The following AGO3 variants were observed in gnomAD, a reference collection of about 807,000 sequenced individuals.
AGO3 encodes the protein argonaute RISC catalytic component 3, also known as protein argonaute-3.
A neutral mutation model predicts 105.5 loss-of-function variants in AGO3; 16 were observed. The ratio of observed to expected loss-of-function variants is 0.15; its 90% confidence interval spans 0.10 to 0.23. AGO3 has a LOEUF of 0.23. Ranked by LOEUF, AGO3 falls within the 10% of genes least tolerant of loss-of-function variation. AGO3 has a pLI of 1.00. For synonymous variants in AGO3, 340 were observed against 367.3 expected (o/e 0.93, Z 0.85); for missense variants, 534 against 1,088.0 (o/e 0.49, Z 7.16).
At chr1:35,980,102 T>TAC (rs1432825586) in intron 5 of AGO3, among the ~76,000 whole-genome samples, 1 of 152,212 alleles carries the variant, frequency 6.6e-6, no homozygotes, top group Non-Finnish European at 1.5e-5. Flanking sequence ...TTTATACTTA[T>TAC]ACCTTCATAT....
chr1:35,983,341 G>A (rs1332560743), intron 5 of AGO3: 2 of 150,092 alleles, frequency 1.3e-5, no homozygotes, highest in Admixed American at 1.3e-4. Flanking sequence ...GGAGGCCAAA[G>A]TGGGAGGATC....
intron 17 of AGO3, among the ~76,000 whole-genome samples, chr1:36,045,160 T>C (rs1642410981): frequency 6.6e-6 from 1 of 152,180 alleles, no homozygotes; most frequent in Non-Finnish European, 1.5e-5. Context: ...GTCAGCAAGA[T>C]GGCTGACTAG....
intron 1 of AGO3, among the ~76,000 whole-genome samples, chr1:35,940,218 C>T (rs1379219240): frequency 1.3e-5 from 2 of 152,114 alleles, no homozygotes; most frequent in Non-Finnish European, 2.9e-5. Context: ...AGGCATGCGC[C>T]ATGACGCCCG....
chr1:35,932,548 A>C (rs1265703918), intron 1 of AGO3, among the ~76,000 whole-genome samples: 1 of 149,690 alleles, frequency 6.7e-6, no homozygotes, highest in African/African-American at 2.5e-5. Flanking sequence ...ATGGGGAGAG[A>C]GTTACAAATT....
chr1:36,034,604 A>T (rs149438018), intron 13 of AGO3, among the ~76,000 whole-genome samples: 3 of 152,358 alleles, frequency 2.0e-5, no homozygotes, highest in African/African-American at 7.2e-5. Flanking sequence ...TGAAAATGAA[A>T]GTACACTCCA....
intron 5 of AGO3, among the ~76,000 whole-genome samples, chr1:35,993,184 G>A (rs1341275068): frequency 6.6e-6 from 1 of 152,028 alleles, no homozygotes. Context: ...GACTCATTGG[G>A]GACCATCTCA....
At chr1:36,025,104 T>G (rs1222718973) in intron 11 of AGO3, among the ~76,000 whole-genome samples, 1 of 152,212 alleles carries the variant, frequency 6.6e-6, no homozygotes, top group Non-Finnish European at 1.5e-5. Flanking sequence ...AAATCTCTAC[T>G]TATATAAAGT....
At position 36,066,737 on chromosome 1, in the gene AGO3, CTCTT is replaced by C. The variant is rs1404394947; in HGVS notation, c.*10994_*10997del. On this transcript the variant is annotated 3_prime_UTR_variant, in exon 19 of 19. Transcript: ENST00000373191. ...GACTGCAAAAATGTTGCATACGTGA[CTCTT>C]TATTGTCAGAATCTGTAGAAACTGG... 1 of 152,120 alleles carries C rather than the reference CTCTT, an allele frequency of 6.6e-6. No homozygotes were observed. The highest frequency in any genetic ancestry group is 1.5e-5 in the Non-Finnish European group (1 of 68,038). 9.4% of individuals were successfully genotyped at this position (152,120 alleles called of 1,614,324 possible). A position where few individuals can be genotyped will look rare whatever the true frequency, so the allele number is the denominator to read the frequency against.
intron 1 of AGO3, among the ~76,000 whole-genome samples, chr1:35,938,703 G>A (rs1331530184): frequency 6.6e-6 from 1 of 152,142 alleles, no homozygotes; most frequent in East Asian, 1.9e-4. Context: ...TACTGGTCCA[G>A]TGCTTGCTTT....
Position 36,065,174 on chromosome 1 carries a change from A to T in AGO3, c.*9429A>T, listed in dbSNP as rs1451960494. On this transcript the variant is annotated 3_prime_UTR_variant, in exon 19 of 19. Coordinates refer to ENST00000373191, the MANE Select transcript of AGO3 (RefSeq NM_024852.4). ...AGAGCAAGACTCCGTCTCAAAAAAA[A>T]AAAAAGCAAAATATTTTTGCTGTGA... 3 of 151,984 alleles carry T rather than the reference A, an allele frequency of 2.0e-5. No homozygotes were observed. The highest frequency in any genetic ancestry group is 7.2e-5 in the African/African-American group (3 of 41,420). 9.4% of individuals were successfully genotyped at this position (151,984 alleles called of 1,614,324 possible). A position where few individuals can be genotyped will look rare whatever the true frequency, so the allele number is the denominator to read the frequency against.
chr1:36,017,379 G>A (rs1440968360), intron 11 of AGO3, among the ~76,000 whole-genome samples: 1 of 152,160 alleles, frequency 6.6e-6, no homozygotes, highest in South Asian at 2.1e-4. Context: ...AATATCCAAT[G>A]TATTCCTCCA....
intron 17 of AGO3, among the ~76,000 whole-genome samples, chr1:36,047,706 C>T (rs1642534154): frequency 6.6e-6 from 1 of 151,960 alleles, no homozygotes; most frequent in African/African-American, 2.4e-5. Context: ...CATGGTGATA[C>T]CCCATCCCTA....
At position 36,047,966 on chromosome 1, in the gene AGO3, A is replaced by C. The variant is rs12045411; in HGVS notation, c.2274+4418A>C. 6.6e-5 allele frequency among the ~76,000 whole-genome samples: 10 copies of C among 152,298 alleles called. No homozygotes were observed. The East Asian group carries it at 1.7e-3, about 26-fold the overall frequency. ...ATCTAGGAGGCTCAAAAGTCTCCAA[A>C]CAGATCGAACCCTAAAAGGTTCTTC... On this transcript the variant is annotated intron_variant, in intron 17 of 18. Transcript: ENST00000373191.
intron 5 of AGO3, among the ~76,000 whole-genome samples, chr1:36,002,788 TC>T (rs913562235): frequency 1.3e-5 from 2 of 151,416 alleles, no homozygotes; most frequent in African/African-American, 4.9e-5. Flanking sequence ...AAGAGAAAGA[TC>T]CCCACATAAA....
Position 36,009,629 on chromosome 1 carries a change from CAT to C in AGO3, c.1149+38_1149+39del, listed in dbSNP as rs751622913. The C allele has an allele frequency of 8.2e-6, 13 of 1,589,938 alleles. 1 individual carries two copies. In the South Asian group the frequency reaches 1.5e-4, roughly 18 times the overall value. The stretch of plus-strand genomic sequence containing the variant: ...TAACCTTAGAAATGAGAATTTAAAA[CAT>C]ATTAGGGTGAACTGTAATACTAGAG... On this transcript the variant is annotated intron_variant, in intron 9 of 18. Coordinates refer to ENST00000373191, the MANE Select transcript of AGO3 (RefSeq NM_024852.4).
In AGO3 at chr1:36,055,789, T is replaced by A. The variant is rs1642898813; in HGVS notation, c.*44T>A. On this transcript the variant is annotated 3_prime_UTR_variant, in exon 19 of 19. Coordinates refer to ENST00000373191, the MANE Select transcript of AGO3 (RefSeq NM_024852.4). This position sits in a 1 kb window ranked among gnomAD's most constrained non-coding sequence, Gnocchi z 4.4. ...CTGAGAGGAAGTACTGAAAGATGAA[T>A]TGACATACAACGTATGTTTCCAGTG... 1.3e-6 allele frequency: 2 copies of A among 1,592,894 alleles called. No homozygotes were observed. Among genetic ancestry groups the A allele is most frequent in the African/African-American group, 2.7e-5 (2 of 74,620 alleles).
intron 5 of AGO3, among the ~76,000 whole-genome samples, chr1:36,002,782 G>C (rs1265952318): frequency 6.7e-6 from 1 of 148,306 alleles, no homozygotes; most frequent in African/African-American, 2.5e-5. Flanking sequence ...GAAAGCAAGA[G>C]AAAGATCCCC....
At chr1:35,951,880 A>G (rs140649953) in intron 2 of AGO3, among the ~76,000 whole-genome samples, 18 of 152,266 alleles carry the variant, frequency 1.2e-4, no homozygotes, top group African/African-American at 4.3e-4. Flanking sequence ...CTTGATGGAT[A>G]TATAATTTAC....
intron 1 of AGO3, among the ~76,000 whole-genome samples, chr1:35,940,455 T>G (rs896825991): frequency 6.6e-6 from 1 of 152,218 alleles, no homozygotes; most frequent in Non-Finnish European, 1.5e-5. Context: ...CGGTAAGTTT[T>G]CTCTCCTTGT....
Sources: gnomAD v4.1 joint callset for allele counts (sites outside exome capture counted in the v4.1 genomes callset) on GRCh38, gnomAD v4.1.1 for gene constraint, Gnocchi (gnomAD v3.1) non-coding constraint, MANE v1.5 for transcripts, NCBI Gene and HGNC (gene_info 2026-07-23, HGNC 2026-07-21) for gene names.